PCDH15: variants seen among roughly 807,000 people sequenced by gnomAD.
PCDH15 encodes the protein protocadherin-15.
Under a neutral mutation model 178.5 loss-of-function variants are expected in PCDH15, and 129 were observed. That is an observed-to-expected ratio of 0.72 (90% confidence interval 0.63 to 0.84). The LOEUF (loss-of-function observed/expected upper bound fraction) is 0.84, where lower values mean the gene tolerates loss of function less well. Ranked by LOEUF, PCDH15 falls within the 40% of genes least tolerant of loss-of-function variation. PCDH15 has a pLI of 0.00. For synonymous variants in PCDH15, 800 were observed against 732.0 expected (o/e 1.09, Z -1.50); for missense variants, 2,230 against 2,099.9 (o/e 1.06, Z -1.21).
intron 2 of PCDH15, among the ~76,000 whole-genome samples, chr10:55,395,909 A>T (rs759394713): frequency 1.9e-4 from 29 of 152,180 alleles, no homozygotes; most frequent in Non-Finnish European, 3.5e-4. Context: ...CATATAAAAG[A>T]TAATTAAAAT....
chr10:55,496,690 G>A (rs1056250682), intron 2 of PCDH15, among the ~76,000 whole-genome samples: 7 of 151,632 alleles, frequency 4.6e-5, no homozygotes, highest in African/African-American at 1.7e-4. Context: ...ATAGACAGAA[G>A]TATATACATG....
At chr10:55,497,616 T>C (rs1840564100) in intron 2 of PCDH15, among the ~76,000 whole-genome samples, 2 of 151,814 alleles carry the variant, frequency 1.3e-5, no homozygotes, top group African/African-American at 4.8e-5. Flanking sequence ...TTTTTAAAAC[T>C]AAAATTAACA....
At chr10:54,766,867 T>C (rs2133214852) in intron 1 of PCDH15, among the ~76,000 whole-genome samples, 1 of 152,020 alleles carries the variant, frequency 6.6e-6, no homozygotes, top group East Asian at 1.9e-4. Context: ...GAGGTGGAGC[T>C]TGCAGTGAGC....
At chr10:54,181,526 C>G (rs1235813614) in intron 13 of PCDH15, among the ~76,000 whole-genome samples, 1 of 151,982 alleles carries the variant, frequency 6.6e-6, no homozygotes, top group Non-Finnish European at 1.5e-5. Flanking sequence ...GTTAATTTTT[C>G]AATTGTCTCT....
chr10:55,281,703 GGCT>G (rs1386105724), intron 1 of PCDH15, among the ~76,000 whole-genome samples: 2 of 151,968 alleles, frequency 1.3e-5, no homozygotes, highest in Admixed American at 1.3e-4. Context: ...ATATTAACCT[GGCT>G]CACAAAAACT....
chr10:55,261,515 T>TTTG (rs554548543), intron 1 of PCDH15, among the ~76,000 whole-genome samples: 141 of 152,284 alleles, frequency 9.3e-4, no homozygotes, highest in Non-Finnish European at 1.7e-3. Flanking sequence ...TTAGCATGTA[T>TTTG]TTGTGTATTG....
At chr10:54,843,594 TAC>T (rs2133763597) in intron 3 of PCDH15, among the ~76,000 whole-genome samples, 1 of 152,174 alleles carries the variant, frequency 6.6e-6, no homozygotes, top group Admixed American at 6.6e-5. Flanking sequence ...TTAGCTTTTC[TAC>T]ACACACATCA....
At chr10:54,242,314 A>G (rs900939770) in intron 8 of PCDH15, among the ~76,000 whole-genome samples, 1 of 151,148 alleles carries the variant, frequency 6.6e-6, no homozygotes, top group Non-Finnish European at 1.5e-5. Context: ...TTAGGTGTTC[A>G]TATGGTTATC....
intron 2 of PCDH15, among the ~76,000 whole-genome samples, chr10:54,583,568 A>C (rs147520737): frequency 1.1e-3 from 173 of 152,262 alleles, no homozygotes; most frequent in African/African-American, 4.0e-3. Context: ...AGGGATACAC[A>C]GACCTGTAGG....
intron 17 of PCDH15, among the ~76,000 whole-genome samples, chr10:54,075,396 C>T (rs1205364401): frequency 2.0e-5 from 3 of 151,528 alleles, no homozygotes; most frequent in African/African-American, 4.8e-5. Context: ...AAAAAAAGAT[C>T]TATATATTTT....
chr10:55,185,502 G>T (rs963922800), intron 1 of PCDH15, among the ~76,000 whole-genome samples: 1 of 151,650 alleles, frequency 6.6e-6, no homozygotes, highest in African/African-American at 2.4e-5. Context: ...TAGTTATCAA[G>T]AATAAAGATT....
intron 2 of PCDH15, among the ~76,000 whole-genome samples, chr10:55,591,412 G>A (rs1842840500): frequency 6.6e-6 from 1 of 151,968 alleles, no homozygotes; most frequent in South Asian, 2.1e-4. Context: ...TCCAGCCTGG[G>A]TAACGGAGTG....
chr10:54,087,385 A>G (rs2094531594), intron 16 of PCDH15, among the ~76,000 whole-genome samples: 1 of 152,208 alleles, frequency 6.6e-6, no homozygotes, highest in African/African-American at 2.4e-5. Context: ...TTTTATAGAA[A>G]TGAAATAATA....
rs1349530051 is a variant in PCDH15, at chr10:54,447,216, G to C, written c.158-68274C>G. Among the ~76,000 whole-genome samples the C allele has an allele frequency of 2.0e-5, 3 of 151,710 alleles. No individual in the cohort carries two copies. The East Asian group carries it at 5.8e-4, about 29-fold the overall frequency. On this transcript the variant is annotated intron_variant, in intron 3 of 37. Transcript: ENST00000644397. ...TGGGTCTCTACAACATCTTCACCTA[G>C]TTACTATTTTTGTGTGTGTGTGGTG...
At chr10:54,869,202 G>A (rs1953992341) in intron 3 of PCDH15, 1 of 152,182 alleles carries the variant, frequency 6.6e-6, no homozygotes, top group African/African-American at 2.4e-5. Context: ...GGAATGCCAT[G>A]TGACAAAGAA....
intron 2 of PCDH15, among the ~76,000 whole-genome samples, chr10:55,327,536 G>A (rs1028492629): frequency 6.6e-6 from 1 of 151,860 alleles, no homozygotes; most frequent in African/African-American, 2.4e-5. Flanking sequence ...TTAATTCTTG[G>A]CAAACATGTT....
chr10:55,471,810 G>A (rs543101054), intron 2 of PCDH15, among the ~76,000 whole-genome samples: 1 of 152,148 alleles, frequency 6.6e-6, no homozygotes, highest in East Asian at 1.9e-4. Flanking sequence ...GTTTCCCCAA[G>A]TTCACAACTT....
rs151259690 is a variant in PCDH15 at position 55,167,795 on chromosome 10, A to G, written c.-155-1144T>C. Among the ~76,000 whole-genome samples, 90 of 152,260 alleles carry G rather than the reference A, an allele frequency of 5.9e-4. 4 individuals carry two copies. In the East Asian group the frequency reaches 0.015, roughly 26 times the overall value. On this transcript the variant is annotated intron_variant, in intron 1 of 5. Coordinates refer to the PCDH15 transcript ENST00000458638. The stretch of plus-strand genomic sequence containing the variant: ...AAACAATGATTTATTTCTTACAACC[A>G]AAGTTTGGTTGTGATCTGCTGAATA...
At chr10:54,890,149 T>C (rs974836027) in intron 3 of PCDH15, among the ~76,000 whole-genome samples, 3 of 151,986 alleles carry the variant, frequency 2.0e-5, no homozygotes, top group African/African-American at 7.2e-5. Flanking sequence ...ACTTAGATGA[T>C]ATGATAGGTG....
Sources: allele counts gnomAD v4.1 joint callset (sites outside exome capture counted in the v4.1 genomes callset), GRCh38; gene constraint gnomAD v4.1.1; transcripts MANE v1.5; gene names NCBI Gene and HGNC (gene_info 2026-07-23, HGNC 2026-07-21).